AQP9: variants seen among roughly 807,000 people sequenced by gnomAD.
The protein encoded by AQP9 is aquaporin 9, also known as aquaporin-9.
Under a neutral mutation model 23.8 loss-of-function variants are expected in AQP9, and 19 were observed. The ratio of observed to expected loss-of-function variants is 0.80; its 90% CI spans 0.56 to 1.17. The LOEUF is 1.17. Among genes scored for constraint, AQP9 ranks in the 50% most tolerant of loss-of-function variants. The pLI is 0.00. For missense variants in AQP9, 413 were observed against 362.0 expected, an observed-to-expected ratio of 1.14 and a Z score of -1.14; for synonymous variants, 153 against 131.5, an observed-to-expected ratio of 1.16 and a Z score of -1.12.
chr15:58,157,570 C>T (rs1405341401), intron 1 of AQP9, among the ~76,000 whole-genome samples: 6 of 152,148 alleles, frequency 3.9e-5, no homozygotes, highest in African/African-American at 7.2e-5. Context: ...GTGGAAAAGG[C>T]CCCTTCTAGG....
At position 58,149,989 on chromosome 15, in the gene AQP9, C is replaced by T. The variant is rs562710796; in HGVS notation, c.111+11313C>T. 5.3e-5 allele frequency among the ~76,000 whole-genome samples: 8 copies of T among 152,336 alleles called. No individual in the cohort carries two copies. In the South Asian group the frequency reaches 1.7e-3, roughly 32 times the overall value. The stretch of plus-strand genomic sequence containing the variant: ...CTGCATCCCAGCCCAGGTGTGTTAT[C>T]ACCATGGTATCTGCAAGGCCAGGAA... On this transcript the variant is annotated intron_variant, in intron 1 of 5. Transcript: ENST00000219919.
chr15:58,152,701 C>T (rs1480361468), intron 1 of AQP9: 1 of 152,128 alleles, frequency 6.6e-6, no homozygotes, highest in Non-Finnish European at 1.5e-5. Context: ...GATTGATACC[C>T]ATACTACGTA....
At chr15:58,177,899 GT>G (rs1268760762) in intron 4 of AQP9, among the ~76,000 whole-genome samples, 1 of 152,166 alleles carries the variant, frequency 6.6e-6, no homozygotes, top group Non-Finnish European at 1.5e-5. Context: ...TTTTACGTAT[GT>G]TTTTAAGTAG....
intron 1 of AQP9, chr15:58,151,103 C>A (rs1898140531): frequency 6.6e-6 from 1 of 152,088 alleles, no homozygotes; most frequent in Admixed American, 6.6e-5. Flanking sequence ...GTCTATCAAT[C>A]CCACTTAACA....
chr15:58,160,988 A>C (rs560865439), intron 1 of AQP9, among the ~76,000 whole-genome samples: 1 of 152,156 alleles, frequency 6.6e-6, no homozygotes, highest in South Asian at 2.1e-4. Flanking sequence ...TGTGCTAAAG[A>C]ATACTGGAAA....
rs1353569814 is a variant in AQP9 at position 58,173,080 on chromosome 15, A to G, written c.251A>G (p.Asn84Ser). 1.1e-5 allele frequency: 17 copies of G among 1,613,960 alleles called. No individual in the cohort carries two copies. Among genetic ancestry groups the G allele is most frequent in the Non-Finnish European group, 1.4e-5 (17 of 1,179,882 alleles). Residue 84 changes from asparagine to serine, a missense_variant, in exon 3 of 6, where the codon AAC becomes AGC. Transcript: ENST00000219919. ...VAGGVSGGHI[N>S]PAVSLAMCLF... ...TCTTCCCTTGCAGGTGGTCACATCA[A>G]CCCAGCTGTGTCTTTAGCAATGTGT...
intron 1 of AQP9, among the ~76,000 whole-genome samples, chr15:58,148,004 T>C (rs1898080181): frequency 6.6e-6 from 1 of 152,154 alleles, no homozygotes; most frequent in Admixed American, 6.6e-5. Flanking sequence ...ATTTAAAATC[T>C]GGGGTTGGAA....
At chr15:58,169,636 A>G (rs1415850528) in intron 2 of AQP9, among the ~76,000 whole-genome samples, 5 of 152,122 alleles carry the variant, frequency 3.3e-5, no homozygotes, top group African/African-American at 1.2e-4. Flanking sequence ...ATGGGATCCT[A>G]TTTTGTGGTC....
chr15:58,158,958 C>A (rs1040601915), intron 1 of AQP9, among the ~76,000 whole-genome samples: 16 of 152,290 alleles, frequency 1.1e-4, no homozygotes, highest in Non-Finnish European at 1.9e-4. Flanking sequence ...ACTCACCGAA[C>A]AAATATTTAT....
At chr15:58,177,984 G>A (rs759669486) in intron 4 of AQP9, among the ~76,000 whole-genome samples, 14 of 152,046 alleles carry the variant, frequency 9.2e-5, no homozygotes, top group Non-Finnish European at 1.8e-4. Context: ...TTTTTAAATT[G>A]CATTTGTATT....
chr15:58,151,887 T>G (rs1319144095), intron 1 of AQP9: 1 of 152,044 alleles, frequency 6.6e-6, no homozygotes, highest in Non-Finnish European at 1.5e-5. Context: ...ACCCTTACCC[T>G]CAACCCCCTA....
intron 4 of AQP9, among the ~76,000 whole-genome samples, chr15:58,178,521 A>G (rs1176430769): frequency 1.3e-5 from 2 of 152,224 alleles, no homozygotes; most frequent in African/African-American, 4.8e-5. Context: ...TTGCTAAATT[A>G]TTGCTGAATT....
At chr15:58,142,420 A>C (rs1295288261) in intron 1 of AQP9, among the ~76,000 whole-genome samples, 5 of 152,210 alleles carry the variant, frequency 3.3e-5, no homozygotes, top group African/African-American at 1.2e-4. Flanking sequence ...ACAGTTTAAA[A>C]TACATTAGCA....
chr15:58,144,979 A>G (rs1371440000), intron 1 of AQP9, among the ~76,000 whole-genome samples: 1 of 142,636 alleles, frequency 7.0e-6, no homozygotes, highest in Non-Finnish European at 1.5e-5. Flanking sequence ...GCGCCACTGC[A>G]CTCTGGCCTG....
intron 1 of AQP9, chr15:58,155,589 G>A (rs1898236919): frequency 6.6e-6 from 1 of 151,870 alleles, no homozygotes; most frequent in Non-Finnish European, 1.5e-5. Flanking sequence ...AACCCTTCAG[G>A]GATCTCATCA....
chr15:58,157,102 GCTTA>G (rs1374371822), intron 1 of AQP9, among the ~76,000 whole-genome samples: 45 of 152,204 alleles, frequency 3.0e-4, no homozygotes, highest in African/African-American at 9.2e-4. Flanking sequence ...CTCTTTTAAT[GCTTA>G]CTTCTGTTTT....
chr15:58,175,607 G>A lies in AQP9; in HGVS notation c.495+571G>A, dbSNP rs142132691. Among the ~76,000 whole-genome samples, 405 of 152,340 alleles carry A rather than the reference G, an allele frequency of 2.7e-3. 2 individuals carry two copies. The highest frequency in any genetic ancestry group is 9.5e-3 in the African/African-American group (394 of 41,568). On this transcript the variant is annotated intron_variant, in intron 4 of 5. Coordinates refer to ENST00000219919, the MANE Select transcript of AQP9 (RefSeq NM_020980.5). ...GTCAGCTTATGGCAGGACTAACATT[G>A]TCAACTCAAAAGACTCTTCTTCCCT...
chr15:58,180,901 C>T (rs1453672422), intron 5 of AQP9, among the ~76,000 whole-genome samples: 5 of 152,222 alleles, frequency 3.3e-5, no homozygotes, highest in African/African-American at 1.2e-4. Context: ...ATGTCCGCAA[C>T]TAGGATGGAT....
chr15:58,153,652 T>G (rs1156467658), intron 1 of AQP9: 1 of 152,162 alleles, frequency 6.6e-6, no homozygotes, highest in African/African-American at 2.4e-5. Context: ...GAACAAGACA[T>G]CTGAAAAATA....
Sources: gnomAD v4.1 joint callset for allele counts (sites outside exome capture counted in the v4.1 genomes callset) on GRCh38, gnomAD v4.1.1 for gene constraint, MANE v1.5 for transcripts, NCBI Gene and HGNC (gene_info 2026-07-23, HGNC 2026-07-21) for gene names.